Variants in TMEM117 observed in about 807,000 individuals in gnomAD.
The protein encoded by TMEM117 is transmembrane protein 117.
TMEM117 carries 27 observed loss-of-function variants against 52.4 expected under a neutral mutation model. The ratio of observed to expected loss-of-function variants is 0.51; its 90% CI spans 0.38 to 0.71. The LOEUF is 0.71. TMEM117 is among the 30% of genes least tolerant of loss of function. The pLI is 0.00. For missense variants in TMEM117, 556 were observed against 630.5 expected (o/e 0.88, Z 1.26); for synonymous variants, 215 against 206.3 (o/e 1.04, Z -0.36).
At chr12:44,238,276 G>T (rs762154324) in intron 5 of TMEM117, among the ~76,000 whole-genome samples, 1 of 152,056 alleles carries the variant, frequency 6.6e-6, no homozygotes, top group African/African-American at 2.4e-5. Context: ...TACAAATATT[G>T]TAAGTACATA....
intron 6 of TMEM117, among the ~76,000 whole-genome samples, chr12:44,303,295 C>T (rs1433534766): frequency 6.6e-6 from 1 of 151,966 alleles, no homozygotes; most frequent in African/African-American, 2.4e-5. Flanking sequence ...GTGATCCGCC[C>T]ACCTCGGCCT....
chr12:44,297,681 T>G (rs568842911), intron 5 of TMEM117, among the ~76,000 whole-genome samples: 41 of 152,370 alleles, frequency 2.7e-4, no homozygotes, highest in African/African-American at 9.4e-4. Flanking sequence ...TCAATATTTA[T>G]TCTTCATCAA....
At chr12:44,339,950 T>G (rs1422586012) in intron 6 of TMEM117, among the ~76,000 whole-genome samples, 1 of 152,030 alleles carries the variant, frequency 6.6e-6, no homozygotes, top group African/African-American at 2.4e-5. Context: ...CAAAGTTAGC[T>G]ATGGAAAGTC....
chr12:44,164,125 C>T (rs74683361), intron 4 of TMEM117, among the ~76,000 whole-genome samples: 1 of 151,846 alleles, frequency 6.6e-6, no homozygotes, highest in Non-Finnish European at 1.5e-5. Context: ...AAGAGAAACC[C>T]GAGAGACAGC....
At chr12:44,234,902 A>C (rs1949976448) in intron 5 of TMEM117, among the ~76,000 whole-genome samples, 1 of 151,540 alleles carries the variant, frequency 6.6e-6, no homozygotes, top group African/African-American at 2.4e-5. Context: ...GATATGTTTA[A>C]AAATGTGTAT....
chr12:44,178,786 C>T (rs184114711), intron 4 of TMEM117, among the ~76,000 whole-genome samples: 1 of 152,088 alleles, frequency 6.6e-6, no homozygotes, highest in Admixed American at 6.6e-5. Flanking sequence ...GTCTGGGATA[C>T]ACTTTAAATG....
intron 5 of TMEM117, among the ~76,000 whole-genome samples, chr12:44,258,323 G>A (rs955347830): frequency 5.3e-5 from 8 of 152,020 alleles, no homozygotes; most frequent in Non-Finnish European, 7.4e-5. Flanking sequence ...TATGTATAAT[G>A]AGCAGCCGTG....
chr12:44,315,794 T>C (rs1395702635), intron 6 of TMEM117, among the ~76,000 whole-genome samples: 2 of 152,210 alleles, frequency 1.3e-5, no homozygotes, highest in Non-Finnish European at 2.9e-5. Flanking sequence ...ATTGAACCTT[T>C]CATCATTATA....
At chr12:44,318,250 A>C (rs1951084664) in intron 6 of TMEM117, 1 of 152,528 alleles carries the variant, frequency 6.6e-6, no homozygotes, top group South Asian at 2.1e-4. Context: ...CAATCTATGC[A>C]CAGGAGGGGT....
At chr12:43,796,922 G>T in the TMEM117 span, 14 of 1,548,760 alleles carry the variant, frequency 9.0e-6, no homozygotes, top group East Asian at 2.9e-4. Context: ...AAACTACATA[G>T]AAATGAAAAG....
At chr12:43,798,496 G>T in the TMEM117 span, 1 of 1,413,674 alleles carries the variant, frequency 7.1e-7, no homozygotes, top group South Asian at 1.4e-5. Context: ...TTAAAAAAAT[G>T]AATGGAGATT....
intron 3 of TMEM117, among the ~76,000 whole-genome samples, chr12:43,945,850 T>G (rs1592383723): frequency 1.3e-5 from 2 of 152,268 alleles, no homozygotes; most frequent in African/African-American, 4.8e-5. Context: ...CATGGAACTG[T>G]TTTGATGTTA....
intron 3 of TMEM117, among the ~76,000 whole-genome samples, chr12:44,031,939 G>C (rs1169551031): frequency 1.3e-5 from 2 of 152,144 alleles, no homozygotes. Flanking sequence ...AAAGCCCTTT[G>C]GGGAAATGTC....
chr12:44,011,451 T>TA (rs1429597149), intron 3 of TMEM117, among the ~76,000 whole-genome samples: 1 of 152,148 alleles, frequency 6.6e-6, no homozygotes, highest in Non-Finnish European at 1.5e-5. Flanking sequence ...GATGGTTTGA[T>TA]AAAGAGGAGG....
At chr12:43,874,543 A>G (rs561632009) in intron 2 of TMEM117, among the ~76,000 whole-genome samples, 1 of 152,312 alleles carries the variant, frequency 6.6e-6, no homozygotes. Context: ...ATGAGCCGAG[A>G]TTGCGCCACT....
chr12:43,991,798 A>T (rs1284191402), intron 3 of TMEM117, among the ~76,000 whole-genome samples: 1 of 152,186 alleles, frequency 6.6e-6, no homozygotes, highest in African/African-American at 2.4e-5. Flanking sequence ...CTTAAATGAG[A>T]CCGTCATCCA....
intron 3 of TMEM117, among the ~76,000 whole-genome samples, chr12:44,023,754 A>G (rs1189207333): frequency 7.3e-6 from 1 of 136,694 alleles, no homozygotes; most frequent in East Asian, 2.2e-4. Flanking sequence ...GGTTGCAAAA[A>G]TTTTACAATG....
At chr12:44,009,692 C>A in intron 3 of TMEM117, 1 of 244,716 alleles carries the variant, frequency 4.1e-6, no homozygotes, top group South Asian at 7.5e-5. Flanking sequence ...TGCTGTTCCT[C>A]CCAGGAGCAC....
At chr12:44,224,377 T>C (rs1592620549) in intron 5 of TMEM117, among the ~76,000 whole-genome samples, 1 of 152,166 alleles carries the variant, frequency 6.6e-6, no homozygotes, top group African/African-American at 2.4e-5. Context: ...TTTTGTCCCA[T>C]CTATACTTAA....
Sources: allele counts gnomAD v4.1 joint callset (sites outside exome capture counted in the v4.1 genomes callset), GRCh38; gene constraint gnomAD v4.1.1; transcripts MANE v1.5; gene names NCBI Gene and HGNC (gene_info 2026-07-23, HGNC 2026-07-21).